The following SLF2 variants were observed in gnomAD, a reference collection of about 807,000 sequenced individuals.
The protein encoded by SLF2 is SMC5/6 complex localization factor 2, also known as SMC5-SMC6 complex localization factor protein 2.
In SLF2, 68 loss-of-function variants were observed where a neutral mutation model predicts 124.3. The ratio of observed to expected loss-of-function variants is 0.55; its 90% CI spans 0.45 to 0.67. The LOEUF is 0.67. SLF2 is among the 30% of genes least tolerant of loss of function. The probability of loss-of-function intolerance (pLI) is 0.00; values close to 1 mark genes in which losing one functional copy is unlikely to be tolerated. For synonymous variants in SLF2, 480 were observed against 478.8 expected (o/e 1.00, Z -0.03); for missense variants, 1,246 against 1,373.7 (o/e 0.91, Z 1.47).
chr10:100,932,886 G>A (rs55942016), intron 9 of SLF2, among the ~76,000 whole-genome samples: 39,523 of 151,976 alleles, frequency 0.26, 5,855 homozygotes, highest in East Asian at 0.56. Context: ...TAAGATCCAA[G>A]TAAAGGAGTA....
At chr10:100,919,122 C>A (rs1351176870) in intron 4 of SLF2, among the ~76,000 whole-genome samples, 1 of 147,518 alleles carries the variant, frequency 6.8e-6, no homozygotes, top group Non-Finnish European at 1.5e-5. Context: ...CACCATTCTC[C>A]TGCCTCAGCC....
chr10:100,955,335 A>C (rs1805721081), intron 17 of SLF2, among the ~76,000 whole-genome samples: 1 of 152,106 alleles, frequency 6.6e-6, no homozygotes, highest in South Asian at 2.1e-4. Context: ...TGGTCTTGTA[A>C]TCATGTCATA....
At chr10:100,955,923 A>G in intron 17 of SLF2, among the ~76,000 whole-genome samples, 1 of 146,234 alleles carries the variant, frequency 6.8e-6, no homozygotes. Context: ...AAAAAAAAGA[A>G]CTGGGCACGG....
chr10:100,937,519 GGT>G, intron 10 of SLF2, 42 bp downstream of exon 10: 1 of 1,157,710 alleles, frequency 8.6e-7, no homozygotes, highest in Non-Finnish European at 1.3e-6. Context: ...GTGTATTATT[GGT>G]TGCTATTTAC....
intron 10 of SLF2, among the ~76,000 whole-genome samples, chr10:100,938,122 TATACTG>T (rs1310033461): frequency 1.2e-4 from 19 of 152,204 alleles, no homozygotes; most frequent in African/African-American, 4.3e-4. Flanking sequence ...GCAACAGTAT[TATACTG>T]ATAATACAGT....
At chr10:100,946,769 T>A (rs1465606296) in intron 13 of SLF2, among the ~76,000 whole-genome samples, 1 of 152,240 alleles carries the variant, frequency 6.6e-6, no homozygotes. Context: ...TGTTTAAATA[T>A]CAATGGGAGA....
chr10:100,930,906 G>A, intron 8 of SLF2, 70 bp from the exon 9 acceptor site: 2 of 1,145,670 alleles, frequency 1.7e-6, no homozygotes, highest in Non-Finnish European at 2.6e-6. Flanking sequence ...TGTCAGATGT[G>A]TTGGTGGTGA....
At chr10:100,918,129 A>G (rs1376163611) in intron 3 of SLF2, among the ~76,000 whole-genome samples, 2 of 152,212 alleles carry the variant, frequency 1.3e-5, no homozygotes, top group Admixed American at 1.3e-4. Context: ...TTATTGATAT[A>G]AACGTAAATC....
intron 17 of SLF2, among the ~76,000 whole-genome samples, chr10:100,952,968 TA>T (rs1850248833): frequency 6.6e-6 from 1 of 152,150 alleles, no homozygotes. Flanking sequence ...CTCTTCTGAT[TA>T]GAAGCTAATA....
chr10:100,934,509 T>G (rs1849806544), intron 9 of SLF2, among the ~76,000 whole-genome samples: 1 of 152,238 alleles, frequency 6.6e-6, no homozygotes, highest in Admixed American at 6.5e-5. Flanking sequence ...AGAAGTTTTT[T>G]TTTCACATAG....
chr10:100,948,451 G>A (rs1303069971), intron 15 of SLF2, among the ~76,000 whole-genome samples: 1 of 151,752 alleles, frequency 6.6e-6, no homozygotes, highest in East Asian at 1.9e-4. Context: ...AGCAACATAG[G>A]GAGACCTTGT....
At chr10:100,947,872 T>A in intron 15 of SLF2, 25 bp downstream of exon 15, 1 of 1,538,038 alleles carries the variant, frequency 6.5e-7, no homozygotes, top group Non-Finnish European at 9.0e-7. Context: ...ATTTTTATTT[T>A]TAATAAATGG....
chr10:100,925,046 G>A (rs1849590256), intron 5 of SLF2, 74 bp downstream of exon 5: 12 of 1,407,028 alleles, frequency 8.5e-6, no homozygotes, highest in East Asian at 2.3e-5. Flanking sequence ...GTGGATTATC[G>A]GAACTTACTT....
In SLF2 at chr10:100,924,339, A is replaced by T. The variant is rs756417290; in HGVS notation, c.1338A>T (p.Glu446Asp). The change falls in exon 5 of 20, where the codon GAA becomes GAT. Residue 446 changes from glutamate (E) to aspartate (D), a missense_variant. Glu to Asp is a conservative substitution (Grantham distance 45). Around this residue, in one of 3 missense-constraint regions of SLF2, gnomAD observed 698 missense variants for 708.9 expected, o/e 0.98. Coordinates refer to ENST00000238961, the MANE Select transcript of SLF2 (RefSeq NM_018121.4). ...MQKPHLPLSQ[E>D]KSAIKKASNL... ...AACCCCACTTACCTTTATCTCAGGAAAAGTCTGCAATTAAAAAAGCTAGCA... is the reference window on the plus strand; with the variant it reads ...AACCCCACTTACCTTTATCTCAGGATAAGTCTGCAATTAAAAAAGCTAGCA... The T allele has an allele frequency of 6.2e-7, 1 of 1,613,990 alleles. No homozygotes were observed. Among genetic ancestry groups the T allele is most frequent in the East Asian group, 2.2e-5 (1 of 44,884 alleles).
chr10:100,959,015 T>G (rs1259809104), intron 18 of SLF2, among the ~76,000 whole-genome samples: 3 of 152,130 alleles, frequency 2.0e-5, no homozygotes, highest in Non-Finnish European at 2.9e-5. Flanking sequence ...ATGGCTTTGA[T>G]CCTTTCAAAG....
intron 13 of SLF2, among the ~76,000 whole-genome samples, chr10:100,946,287 T>G (rs976615163): frequency 7.9e-5 from 12 of 151,690 alleles, no homozygotes; most frequent in Non-Finnish European, 1.8e-4. Context: ...TTTTAAAAAT[T>G]GATACACAAT....
At chr10:100,927,378 G>A (rs1281375850) in intron 6 of SLF2, among the ~76,000 whole-genome samples, 1 of 152,052 alleles carries the variant, frequency 6.6e-6, no homozygotes, top group Non-Finnish European at 1.5e-5. Context: ...TTTCATTCAG[G>A]GCAGTGTCTT....
intron 11 of SLF2, among the ~76,000 whole-genome samples, chr10:100,940,536 A>G (rs1389829713): frequency 6.6e-6 from 1 of 151,824 alleles, no homozygotes. Flanking sequence ...ATATTTTTTT[A>G]TTTTTTGTGG....
chr10:100,957,745 T>C (rs1004810077), intron 18 of SLF2, among the ~76,000 whole-genome samples: 7 of 152,280 alleles, frequency 4.6e-5, no homozygotes, highest in African/African-American at 1.7e-4. Flanking sequence ...CTAAGCTTTT[T>C]TTCTTAAAGG....
Sources: gnomAD v4.1 joint callset for allele counts (sites outside exome capture counted in the v4.1 genomes callset) on GRCh38, gnomAD v4.1.1 for gene constraint, gnomAD v4.1.1 regional missense constraint, MANE v1.5 for transcripts, NCBI Gene and HGNC (gene_info 2026-07-23, HGNC 2026-07-21) for gene names.